Variants in WWOX observed in about 807,000 individuals in gnomAD.
WWOX encodes the protein WW domain containing oxidoreductase.
A neutral mutation model predicts 46.2 loss-of-function variants in WWOX; 69 were observed. That is an observed-to-expected ratio of 1.49 (90% confidence interval 1.23 to 1.82). The LOEUF (loss-of-function observed/expected upper bound fraction) is 1.82. Ranked by LOEUF, WWOX falls within the 40% of genes most tolerant of loss-of-function variation. WWOX has a pLI of 0.00. For synonymous variants in WWOX, 359 were observed against 202.6 expected (o/e 1.77, Z -6.56); for missense variants, 919 against 542.6 (o/e 1.69, Z -6.89).
chr16:78,775,404 T>C (rs879272189), intron 8 of WWOX, among the ~76,000 whole-genome samples: 1 of 152,188 alleles, frequency 6.6e-6, no homozygotes. Flanking sequence ...GGCCTGACTT[T>C]TACCCCAAAG....
intron 8 of WWOX, among the ~76,000 whole-genome samples, chr16:78,634,575 G>A (rs1231192373): frequency 2.0e-5 from 3 of 151,926 alleles, no homozygotes; most frequent in South Asian, 2.1e-4. Flanking sequence ...GCATGGTGGC[G>A]GGCGCCTGTA....
intron 8 of WWOX, among the ~76,000 whole-genome samples, chr16:78,598,144 G>C (rs2045534243): frequency 6.6e-6 from 1 of 152,094 alleles, no homozygotes; most frequent in South Asian, 2.1e-4. Flanking sequence ...TACAAGCTGA[G>C]GGAGAAATCT....
chr16:78,557,689 A>ATT lies in WWOX; in HGVS notation c.1056+124959_1056+124960dup, dbSNP rs34068363. On this transcript the variant is annotated intron_variant, in intron 8 of 8. Transcript: ENST00000566780. ...CATAAGTGCATTCCTCTAGGGAAGG[A>ATT]TTTTTTTTTTTTTTTTTTTTTTTGA... Among the ~76,000 whole-genome samples, 237 of 96,584 alleles carry ATT rather than the reference A, an allele frequency of 2.5e-3. 1 individual carries two copies. The highest frequency in any genetic ancestry group is 3.9e-3 in the East Asian group (14 of 3,552). The allele number at this position is 96,584 out of a possible 152,430, so 63.4% of individuals were successfully genotyped here.
At chr16:78,648,161 G>T (rs182056522) in intron 8 of WWOX, among the ~76,000 whole-genome samples, 6 of 152,266 alleles carry the variant, frequency 3.9e-5, no homozygotes, top group Admixed American at 3.9e-4. Context: ...CCACCTCCCA[G>T]GAGTTGAATG....
chr16:78,697,736 G>A (rs921383628), intron 8 of WWOX, among the ~76,000 whole-genome samples: 1 of 152,168 alleles, frequency 6.6e-6, no homozygotes, highest in African/African-American at 2.4e-5. Flanking sequence ...ATCATGTTGA[G>A]TAGGTTAGGT....
chr16:79,082,286 A>T (rs2048774795), intron 8 of WWOX, among the ~76,000 whole-genome samples: 1 of 152,148 alleles, frequency 6.6e-6, no homozygotes, highest in Non-Finnish European at 1.5e-5. Flanking sequence ...ATGGACTTTG[A>T]TTTGAGACCC....
intron 8 of WWOX, among the ~76,000 whole-genome samples, chr16:78,643,805 T>C (rs570000104): frequency 2.1e-5 from 3 of 146,152 alleles, no homozygotes; most frequent in East Asian, 2.1e-4. Context: ...TGAAATGGGA[T>C]GGAGGAAAGC....
At chr16:78,646,493 T>C (rs1425757447) in intron 8 of WWOX, among the ~76,000 whole-genome samples, 1 of 152,120 alleles carries the variant, frequency 6.6e-6, no homozygotes, top group East Asian at 1.9e-4. Flanking sequence ...AGTGGCGTGA[T>C]CTTAGCTCAC....
intron 8 of WWOX, among the ~76,000 whole-genome samples, chr16:79,054,272 T>C (rs1013045598): frequency 2.6e-5 from 4 of 152,224 alleles, no homozygotes; most frequent in African/African-American, 9.6e-5. Flanking sequence ...GATAGCTACT[T>C]AAATCGCTAT....
At chr16:79,063,723 C>T (rs1167718929) in intron 8 of WWOX, among the ~76,000 whole-genome samples, 1 of 152,134 alleles carries the variant, frequency 6.6e-6, no homozygotes, top group African/African-American at 2.4e-5. Context: ...ATCCACAGGT[C>T]TTCAAGAACC....
At chr16:79,123,388 A>G (rs1054169876) in intron 8 of WWOX, among the ~76,000 whole-genome samples, 2 of 151,986 alleles carry the variant, frequency 1.3e-5, no homozygotes, top group Non-Finnish European at 2.9e-5. Flanking sequence ...TACATTCGTA[A>G]CTCCCCAGGT....
At chr16:78,316,594 C>A (rs371620761) in intron 5 of WWOX, among the ~76,000 whole-genome samples, 2 of 152,138 alleles carry the variant, frequency 1.3e-5, no homozygotes, top group Non-Finnish European at 2.9e-5. Flanking sequence ...CTGCCCGTCT[C>A]GGCCTCCCAA....
At chr16:78,756,850 G>A in intron 8 of WWOX, 2 of 698,258 alleles carry the variant, frequency 2.9e-6, no homozygotes, top group Non-Finnish European at 2.6e-6. Flanking sequence ...AATCGATAGG[G>A]TATTGCAGAC....
At chr16:78,820,597 T>C (rs1306677213) in intron 8 of WWOX, among the ~76,000 whole-genome samples, 2 of 152,136 alleles carry the variant, frequency 1.3e-5, no homozygotes, top group Non-Finnish European at 2.9e-5. Flanking sequence ...TGAAATATAA[T>C]GACAACCTTG....
chr16:78,599,049 TG>T (rs1430684321), intron 8 of WWOX, among the ~76,000 whole-genome samples: 1 of 152,148 alleles, frequency 6.6e-6, no homozygotes, highest in African/African-American at 2.4e-5. Flanking sequence ...AACTGGACTT[TG>T]GGGCTCACAG....
rs144053947 is a variant in WWOX, at chr16:78,400,788, C to G, written c.605+13840C>G. 1.5e-4 allele frequency among the ~76,000 whole-genome samples: 22 copies of G among 151,392 alleles called. No individual in the cohort carries two copies. The South Asian group carries it at 4.2e-3, about 29-fold the overall frequency. On this transcript the variant is annotated intron_variant, in intron 6 of 8. Coordinates refer to ENST00000566780, the MANE Select transcript of WWOX (RefSeq NM_016373.4). Reference sequence around the variant, plus strand: ...TTTGTATCAATGAATACACTGTTACCCCTCAATCAACACTACAATTCATAT... The same window carrying G: ...TTTGTATCAATGAATACACTGTTACGCCTCAATCAACACTACAATTCATAT...
At chr16:78,394,682 C>G (rs2082247033) in intron 6 of WWOX, among the ~76,000 whole-genome samples, 1 of 152,300 alleles carries the variant, frequency 6.6e-6, no homozygotes, top group Non-Finnish European at 1.5e-5. Flanking sequence ...ATCTCTGTTG[C>G]AACTGCTTGC....
At chr16:78,555,533 A>G (rs1381422516) in intron 8 of WWOX, among the ~76,000 whole-genome samples, 4 of 151,386 alleles carry the variant, frequency 2.6e-5, no homozygotes, top group African/African-American at 9.7e-5. Flanking sequence ...GTGAGTATTC[A>G]TCAAGGTAAT....
intron 8 of WWOX, among the ~76,000 whole-genome samples, chr16:78,583,532 G>A (rs1210720222): frequency 6.6e-6 from 1 of 152,210 alleles, no homozygotes; most frequent in Admixed American, 6.5e-5. Flanking sequence ...TGTAGGTTTT[G>A]TGGGAAGATG....
Sources: allele counts gnomAD v4.1 joint callset (sites outside exome capture counted in the v4.1 genomes callset), GRCh38; gene constraint gnomAD v4.1.1; transcripts MANE v1.5; gene names NCBI Gene and HGNC (gene_info 2026-07-23, HGNC 2026-07-21).